Variants in PSEN2 observed in about 807,000 individuals in gnomAD.
The protein encoded by PSEN2 is presenilin 2.
In PSEN2, 32 loss-of-function variants were observed where a neutral mutation model predicts 49.1. The ratio of observed to expected loss-of-function variants is 0.65; its 90% CI spans 0.49 to 0.88. PSEN2 has a LOEUF of 0.88. PSEN2 is among the 40% of genes least tolerant of loss of function. The pLI, the probability that PSEN2 is intolerant of heterozygous loss-of-function variation, is 0.00. For missense variants in PSEN2, 522 were observed against 586.9 expected (o/e 0.89, Z 1.14); for synonymous variants, 255 against 244.0 (o/e 1.05, Z -0.42).
At chr1:226,870,695 C>T (rs1423989697) in intron 1 of PSEN2, 46 bp downstream of exon 1, 4 of 152,144 alleles carry the variant, frequency 2.6e-5, no homozygotes, top group Admixed American at 2.6e-4. Flanking sequence ...GCCCTGTCGC[C>T]TGCGGCGCTG....
At chr1:226,877,926 G>C (rs543075403) in intron 3 of PSEN2, among the ~76,000 whole-genome samples, 1 of 152,274 alleles carries the variant, frequency 6.6e-6, no homozygotes, top group East Asian at 1.9e-4. Context: ...TGGTCACCAG[G>C]TCACTGTCTA....
intron 3 of PSEN2, chr1:226,880,782 G>C: frequency 6.2e-7 from 1 of 1,609,412 alleles, no homozygotes; most frequent in Admixed American, 1.7e-5. Flanking sequence ...CACTGTTTTA[G>C]GGGGCAGGCT....
chr1:226,897,121 G>A (rs762057908), downstream of PSEN2, among the ~76,000 whole-genome samples: 28 of 152,296 alleles, frequency 1.8e-4, 1 homozygote, highest in Admixed American at 4.6e-4. Flanking sequence ...GGGCATTGCC[G>A]TCATGGAAGC....
chr1:226,894,205 A>G (rs1571971830), intron 12 of PSEN2, 80 bp downstream of exon 12: 1 of 977,384 alleles, frequency 1.0e-6, no homozygotes, highest in East Asian at 2.4e-5. Flanking sequence ...AGGTCTCAGG[A>G]TCCCTAGGGA....
At chr1:226,886,755 G>A (rs1246627103) in intron 6 of PSEN2, among the ~76,000 whole-genome samples, 1 of 152,134 alleles carries the variant, frequency 6.6e-6, no homozygotes, top group Non-Finnish European at 1.5e-5. Flanking sequence ...CAGCAGAGGG[G>A]AAAGCCATGG....
Position 226,885,489 on chromosome 1 carries a change from C to T in PSEN2, c.357-49C>T, listed in dbSNP as rs199538967. ...CAGAATCACTCAAGGTGGGGAGCCT[C>T]GAGGAGCAGTCAGGGCCGGGAGCAT... On this transcript the variant is annotated intron_variant, in intron 5 of 12. Coordinates refer to ENST00000366783, the MANE Select transcript of PSEN2 (RefSeq NM_000447.3). 7.1e-5 allele frequency: 114 copies of T among 1,602,858 alleles called. No homozygotes were observed. The Middle Eastern group carries it at 1.5e-3, about 21-fold the overall frequency.
chr1:226,890,238 T>C, intron 9 of PSEN2, 105 bp downstream of exon 9: 2 of 926,768 alleles, frequency 2.2e-6, no homozygotes, highest in Non-Finnish European at 3.6e-6. Flanking sequence ...GACTGGGCGA[T>C]CCCAGGAGGG....
chr1:226,874,722 T>A (rs1660523040), intron 2 of PSEN2, among the ~76,000 whole-genome samples: 1 of 152,210 alleles, frequency 6.6e-6, no homozygotes, highest in African/African-American at 2.4e-5. Context: ...ATCTCTAGGT[T>A]TTACGATAAT....
rs200878942 is a variant in PSEN2 at position 226,881,933 on chromosome 1, G to A, written c.26G>A (p.Ser9Asn). 18 of 1,614,110 alleles carry A rather than the reference G, an allele frequency of 1.1e-5. No individual in the cohort carries two copies. The South Asian group carries it at 1.3e-4, about 12-fold the overall frequency. Residue 9 changes from serine (S) to asparagine (N), a missense_variant, in exon 4 of 13, where the codon AGC (serine) becomes AAC (asparagine). Ser to Asn is a conservative substitution (Grantham distance 46). Transcript: ENST00000366783. MLTFMASD[S>N]EEEVCDERTS... ...ATGCTCACATTCATGGCCTCTGACA[G>A]CGAGGAAGAAGTGTGTGATGAGCGG...
chr1:226,885,506 CG>C, intron 5 of PSEN2, 31 bp from the exon 6 acceptor site: 1 of 1,611,768 alleles, frequency 6.2e-7, no homozygotes, highest in East Asian at 2.2e-5. Flanking sequence ...CAGTCAGGGC[CG>C]GGAGCATCAG....
chr1:226,903,508 A>G (rs1662377328), intron 12 of PSEN2: 1 of 152,214 alleles, frequency 6.6e-6, no homozygotes, highest in African/African-American at 2.4e-5. Context: ...CCAGGTCCCT[A>G]AACTTTCCTG....
At chr1:226,887,895 A>G (rs1661470262) in intron 6 of PSEN2, among the ~76,000 whole-genome samples, 196 bp from the exon 7 acceptor site, 2 of 152,160 alleles carry the variant, frequency 1.3e-5, no homozygotes, top group African/African-American at 4.8e-5. Flanking sequence ...CATGCGCTGC[A>G]GGATGACCTG....
At chr1:226,887,731 A>T (rs1465579207) in intron 6 of PSEN2, among the ~76,000 whole-genome samples, 1 of 152,184 alleles carries the variant, frequency 6.6e-6, no homozygotes, top group Admixed American at 6.5e-5. Context: ...CTGGAACACA[A>T]TGCCCGTGGG....
intron 5 of PSEN2, among the ~76,000 whole-genome samples, 197 bp downstream of exon 5, chr1:226,884,116 C>T (rs1245957986): frequency 6.6e-6 from 1 of 152,200 alleles, no homozygotes; most frequent in African/African-American, 2.4e-5. Context: ...ATGCTTTTAA[C>T]ATCCCTATGC....
intron 4 of PSEN2, among the ~76,000 whole-genome samples, chr1:226,883,381 T>A (rs143156132): frequency 6.6e-6 from 1 of 152,336 alleles, no homozygotes; most frequent in Non-Finnish European, 1.5e-5. Flanking sequence ...ATGAACAGAA[T>A]TGAGTGACCT....
Position 226,881,938 on chromosome 1 carries a change from G to A in PSEN2, c.31G>A (p.Glu11Lys). 1 of 1,614,248 alleles carries A rather than the reference G, an allele frequency of 6.2e-7. No individual in the cohort carries two copies. Residue 11 changes from glutamate (E) to lysine (K), a missense_variant, in exon 4 of 13, where the codon GAA becomes AAA. Glu to Lys is a moderately conservative substitution (Grantham distance 56). Coordinates refer to ENST00000366783, the MANE Select transcript of PSEN2 (RefSeq NM_000447.3). Reference protein sequence around the residue: MLTFMASDSEEEVCDERTSLM... With the variant: MLTFMASDSEKEVCDERTSLM... Reference sequence around the variant, plus strand: ...CACATTCATGGCCTCTGACAGCGAGGAAGAAGTGTGTGATGAGCGGACGTC... The same window carrying A: ...CACATTCATGGCCTCTGACAGCGAGAAAGAAGTGTGTGATGAGCGGACGTC...
chr1:226,872,874 T>C (rs572813408), intron 2 of PSEN2, among the ~76,000 whole-genome samples: 30 of 152,202 alleles, frequency 2.0e-4, no homozygotes, highest in Non-Finnish European at 3.5e-4. Context: ...CATGTTAATG[T>C]CTGGAGAAAA....
At chr1:226,899,323 G>C (rs1303053615), downstream of PSEN2, 1 of 152,124 alleles carries the variant, frequency 6.6e-6, no homozygotes, top group Non-Finnish European at 1.5e-5. Context: ...AGGTGTCCCA[G>C]CACTGTTTAC....
intron 2 of PSEN2, among the ~76,000 whole-genome samples, chr1:226,872,975 T>C (rs1295647): frequency 0.51 from 78,010 of 151,912 alleles, 20,432 homozygotes; most frequent in African/African-American, 0.61. Flanking sequence ...GTCGGAAGTT[T>C]GAGACCAGCC....
Sources: allele counts gnomAD v4.1 joint callset (sites outside exome capture counted in the v4.1 genomes callset), GRCh38; gene constraint gnomAD v4.1.1; transcripts MANE v1.5; gene names NCBI Gene and HGNC (gene_info 2026-07-23, HGNC 2026-07-21).